Variants in CNGA1 observed in about 807,000 individuals in gnomAD.
CNGA1 encodes cyclic nucleotide gated channel subunit alpha 1, also known as cyclic nucleotide-gated channel alpha-1.
CNGA1 carries 53 observed loss-of-function variants against 69.7 expected under a neutral mutation model. The observed-to-expected ratio is 0.76, with a 90% CI of 0.61 to 0.96. The LOEUF (loss-of-function observed/expected upper bound fraction) is 0.96. Among genes scored for constraint, CNGA1 ranks in the 40% least tolerant of loss-of-function variants. The pLI, the probability that CNGA1 is intolerant of heterozygous loss-of-function variation, is 0.00. For synonymous variants in CNGA1, 249 were observed against 283.5 expected (o/e 0.88, Z 1.22); for missense variants, 739 against 811.2 (o/e 0.91, Z 1.08).
chr4:47,957,873 T>A (rs1740180974), intron 3 of CNGA1, among the ~76,000 whole-genome samples: 1 of 150,872 alleles, frequency 6.6e-6, no homozygotes, highest in South Asian at 2.1e-4. Flanking sequence ...TGATAATGTA[T>A]CAGATAGATG....
At chr4:47,994,587 G>A (rs778195566) in intron 2 of CNGA1, among the ~76,000 whole-genome samples, 5 of 152,050 alleles carry the variant, frequency 3.3e-5, no homozygotes, top group Non-Finnish European at 7.4e-5. Context: ...GTCTCCTGAA[G>A]GCAACAGACA....
chr4:47,988,151 G>T (rs936509722), intron 2 of CNGA1, among the ~76,000 whole-genome samples: 1 of 152,050 alleles, frequency 6.6e-6, no homozygotes, highest in Non-Finnish European at 1.5e-5. Flanking sequence ...ATTGTTTGTG[G>T]GGTGTGTGTG....
chr4:47,980,805 G>T (rs113775409), intron 3 of CNGA1, among the ~76,000 whole-genome samples: 1 of 151,954 alleles, frequency 6.6e-6, no homozygotes, highest in Admixed American at 6.6e-5. Context: ...AAATATACAC[G>T]CTTATCACAG....
At chr4:47,964,219 C>A (rs938334917) in intron 3 of CNGA1, among the ~76,000 whole-genome samples, 7 of 152,072 alleles carry the variant, frequency 4.6e-5, no homozygotes, top group Non-Finnish European at 8.8e-5. Context: ...AGACCTCATG[C>A]CTTATGACTA....
chr4:47,936,395 C>T lies in CNGA1; in HGVS notation c.*26G>A. On this transcript the variant is annotated 3_prime_UTR_variant, in exon 11 of 11. Coordinates refer to ENST00000514170, the MANE Select transcript of CNGA1 (RefSeq NM_001379270.1). Reference sequence around the variant, plus strand: ...GGATCAAAAGGATCATGAGGCATGTCCCTGTTAATGACCAGCTTTTCGGTT... The same window carrying T: ...GGATCAAAAGGATCATGAGGCATGTTCCTGTTAATGACCAGCTTTTCGGTT... The T allele has an allele frequency of 6.2e-7, 1 of 1,607,714 alleles. No individual in the cohort carries two copies. Among genetic ancestry groups the T allele is most frequent in the Non-Finnish European group, 8.5e-7 (1 of 1,174,274 alleles).
At chr4:47,970,010 T>C (rs1470785618) in intron 3 of CNGA1, among the ~76,000 whole-genome samples, 5 of 152,168 alleles carry the variant, frequency 3.3e-5, no homozygotes, top group African/African-American at 1.2e-4. Flanking sequence ...TGAAGGAGGT[T>C]CTCAGTCAGG....
In CNGA1 at chr4:47,940,801, A is replaced by C. The variant is rs1177114201; in HGVS notation, c.614T>G (p.Ile205Arg). The change falls in exon 10 of 11, where the codon ATA becomes AGA. Residue 205 changes from isoleucine to arginine, a missense_variant. Physicochemically the swap from Ile to Arg is moderately conservative, Grantham distance 97. Coordinates refer to ENST00000514170, the MANE Select transcript of CNGA1 (RefSeq NM_001379270.1). ...TACAAACATATCGATTAAATAGACT[A>C]TGTCTGATACGTAATCCAAAATGAG... The part of the protein sequence containing the change: ...YWLILDYVSD[I>R]VYLIDMFVRT... 6.2e-7 allele frequency: 1 copy of C among 1,610,892 alleles called. No homozygotes were observed.
chr4:48,016,078 T>C (rs746693937), intron 1 of CNGA1, among the ~76,000 whole-genome samples: 3 of 152,226 alleles, frequency 2.0e-5, no homozygotes, highest in Non-Finnish European at 2.9e-5. Context: ...TCATAAACAT[T>C]AGTTATTAAT....
At chr4:47,987,986 A>ATAGATCAGG (rs1742060318) in intron 2 of CNGA1, among the ~76,000 whole-genome samples, 2 of 152,192 alleles carry the variant, frequency 1.3e-5, no homozygotes, top group African/African-American at 2.4e-5. Context: ...GTCTTAGAAG[A>ATAGATCAGG]TAGATCAGGT....
At chr4:47,957,805 G>T (rs1176887346) in intron 3 of CNGA1, among the ~76,000 whole-genome samples, 1 of 151,792 alleles carries the variant, frequency 6.6e-6, no homozygotes, top group African/African-American at 2.4e-5. Flanking sequence ...CAGTATTAAG[G>T]TTTCAAAAAT....
Position 47,936,411 on chromosome 4 carries a change from C to A in CNGA1, c.*10G>T. The A allele has an allele frequency of 6.2e-6, 10 of 1,613,976 alleles. No homozygotes were observed. The highest frequency in any genetic ancestry group is 7.6e-6 in the Non-Finnish European group (9 of 1,179,894). ...GAGGCATGTCCCTGTTAATGACCAG[C>A]TTTTCGGTTCTATGTAGAGTCGATG... On this transcript the variant is annotated 3_prime_UTR_variant, in exon 11 of 11. Transcript: ENST00000514170.
chr4:47,937,856 G>A (rs1284124388), intron 10 of CNGA1, 27 bp from the exon 11 acceptor site: 1 of 1,542,786 alleles, frequency 6.5e-7, no homozygotes. Context: ...AATCAATTCA[G>A]TGTTTCTCCT....
Position 48,016,678 on chromosome 4 carries a change from C to A in CNGA1, c.-418G>T, listed in dbSNP as rs933640777. The A allele has an allele frequency of 4.9e-6, 3 of 614,890 alleles. No homozygotes were observed. Among genetic ancestry groups the A allele is most frequent in the African/African-American group, 2.0e-5 (1 of 50,458 alleles). The allele number at this position is 614,890 out of a possible 1,614,324, so 38.1% of individuals were successfully genotyped here. ...GCCCCGGGCAGCAGGGCTCGGCTGG[C>A]GCTGAGGCCCCGCCTGGCCATGCCC... is the stretch of plus-strand genomic sequence containing the variant. On this transcript the variant is annotated 5_prime_UTR_variant, in exon 1 of 11. Coordinates refer to ENST00000514170, the MANE Select transcript of CNGA1 (RefSeq NM_001379270.1).
At chr4:47,978,057 C>G (rs1337750604) in intron 3 of CNGA1, among the ~76,000 whole-genome samples, 1 of 152,122 alleles carries the variant, frequency 6.6e-6, no homozygotes, top group Non-Finnish European at 1.5e-5. Flanking sequence ...AACTCCTGAC[C>G]TCAGGTGATC....
intron 2 of CNGA1, among the ~76,000 whole-genome samples, chr4:48,008,798 G>T (rs1715029095): frequency 6.6e-6 from 1 of 152,130 alleles, no homozygotes. Flanking sequence ...ACTTTAGAAG[G>T]AATTTAATTT....
At chr4:47,982,324 T>C (rs1319161053) in intron 2 of CNGA1, among the ~76,000 whole-genome samples, 1 of 152,182 alleles carries the variant, frequency 6.6e-6, no homozygotes, top group Non-Finnish European at 1.5e-5. Flanking sequence ...TGCTGAACAA[T>C]GAACAACCGA....
chr4:48,014,382 TA>T (rs1363476570), intron 1 of CNGA1, among the ~76,000 whole-genome samples: 5 of 151,504 alleles, frequency 3.3e-5, no homozygotes, highest in East Asian at 1.9e-4. Flanking sequence ...TGAGTTTAAA[TA>T]TTTTTTTTCT....
At position 47,970,985 on chromosome 4, in the gene CNGA1, A is replaced by G. The variant is rs919721458; in HGVS notation, c.-15+10408T>C. 34 of 453,506 alleles carry G rather than the reference A, an allele frequency of 7.5e-5. No homozygotes were observed. The East Asian group carries it at 1.5e-3, about 19-fold the overall frequency. The allele number at this position is 453,506 out of a possible 1,614,324, so 28.1% of individuals were successfully genotyped here. A position where few individuals can be genotyped will look rare whatever the true frequency, so the allele number is the denominator to read the frequency against. On this transcript the variant is annotated intron_variant, in intron 3 of 10. Coordinates refer to ENST00000514170, the MANE Select transcript of CNGA1 (RefSeq NM_001379270.1). ...AGCTTGGCCAACATGGTGAAATCCCATCTCTACTAAAAATACAAAAATTAG... is the reference window on the plus strand; with the variant it reads ...AGCTTGGCCAACATGGTGAAATCCCGTCTCTACTAAAAATACAAAAATTAG...
At chr4:48,008,238 T>C (rs1211307755) in intron 2 of CNGA1, among the ~76,000 whole-genome samples, 1 of 152,186 alleles carries the variant, frequency 6.6e-6, no homozygotes, top group Non-Finnish European at 1.5e-5. Context: ...CATGACATGC[T>C]TGGACTTTCT....
Sources: gnomAD v4.1 joint callset for allele counts (sites outside exome capture counted in the v4.1 genomes callset) on GRCh38, gnomAD v4.1.1 for gene constraint, MANE v1.5 for transcripts, NCBI Gene and HGNC (gene_info 2026-07-23, HGNC 2026-07-21) for gene names.